TIE1: variants seen among roughly 807,000 people sequenced by gnomAD.
TIE1 encodes tyrosine-protein kinase receptor Tie-1.
A neutral mutation model predicts 130.5 loss-of-function variants in TIE1; 89 were observed. That is an observed-to-expected ratio of 0.68 (90% CI 0.57 to 0.81). TIE1 has a LOEUF of 0.81. TIE1 is among the 40% of genes least tolerant of loss of function. TIE1 has a pLI of 0.00. For missense variants in TIE1, 1,392 were observed against 1,559.8 expected (o/e 0.89, Z 1.81); for synonymous variants, 568 against 629.4 (o/e 0.90, Z 1.46).
intron 22 of TIE1, 68 bp downstream of exon 22, chr1:43,321,783 G>A: frequency 6.9e-7 from 1 of 1,448,448 alleles, no homozygotes; most frequent in Non-Finnish European, 9.4e-7. Context: ...TCTCAGAGGT[G>A]CCATGACCCC....
In TIE1 at chr1:43,317,985, T is replaced by C; in HGVS notation, c.2835T>C (p.His945=). The change falls in exon 17 of 23, where the codon CAT becomes CAC. Residue 945 remains histidine (H), a synonymous_variant. Coordinates refer to ENST00000372476, the MANE Select transcript of TIE1 (RefSeq NM_005424.5). The surrounding 1 kb of genome is among the most constrained non-coding windows in gnomAD (Gnocchi z 5.1). ...CTGACCCAGCTTTTGCTCGAGAGCA[T>C]GGGACAGCCTCTACCCTTAGCTCCC... is the stretch of plus-strand genomic sequence containing the variant. ...LETDPAFARE[H]GTASTLSSRQ... 1 of 1,611,130 alleles carries C rather than the reference T, an allele frequency of 6.2e-7. No homozygotes were observed. The highest frequency in any genetic ancestry group is 1.1e-5 in the South Asian group (1 of 90,658).
chr1:43,317,938 C>T lies in TIE1; in HGVS notation c.2788C>T (p.Arg930Trp), dbSNP rs755450679. Residue 930 changes from arginine to tryptophan, a missense_variant, in exon 17 of 23, where the codon CGG becomes TGG. Arg to Trp is a moderately radical substitution (Grantham distance 101). Coordinates refer to ENST00000372476, the MANE Select transcript of TIE1 (RefSeq NM_005424.5). The surrounding 1 kb of genome is among the most constrained non-coding windows in gnomAD (Gnocchi z 5.1). ...APYGNLLDFL[R>W]KSRVLETDPA... Reference sequence around the variant, plus strand: ...CTACGGGAACCTGCTAGATTTTCTGCGGAAAAGCCGGGTCCTAGAGACTGA... The same window carrying T: ...CTACGGGAACCTGCTAGATTTTCTGTGGAAAAGCCGGGTCCTAGAGACTGA... 5.6e-6 allele frequency: 9 copies of T among 1,614,106 alleles called. No homozygotes were observed. The highest frequency in any genetic ancestry group is 1.1e-5 in the South Asian group (1 of 91,072).
chr1:43,313,503 C>T lies in TIE1; in HGVS notation c.2218+78C>T, dbSNP rs756914429. On this transcript the variant is annotated intron_variant, in intron 13 of 22. Coordinates refer to ENST00000372476, the MANE Select transcript of TIE1 (RefSeq NM_005424.5). This position sits in a 1 kb window ranked among gnomAD's most constrained non-coding sequence, Gnocchi z 6.2. ...GCACGCTCTCCTTCCACATCACCCC[C>T]TACTGTGGAGCTAGGGCATCCCAGG... 3 of 1,536,672 alleles carry T rather than the reference C, an allele frequency of 2.0e-6. No individual in the cohort carries two copies. The South Asian group carries it at 3.6e-5, about 18-fold the overall frequency.
Position 43,314,636 on chromosome 1 carries a change from T to C in TIE1, c.2409+668T>C, listed in dbSNP as rs994875956. On this transcript the variant is annotated intron_variant, in intron 14 of 22. Coordinates refer to ENST00000372476, the MANE Select transcript of TIE1 (RefSeq NM_005424.5). ...TGAGGTCAGGAGTTTGAGACCAGCC[T>C]GGCCAACATGGTGAAACCTTGTCTC... The C allele has an allele frequency of 6.5e-6, 5 of 763,474 alleles. No homozygotes were observed. The African/African-American group carries it at 9.5e-5, about 14-fold the overall frequency. 47.3% of individuals were successfully genotyped at this position (763,474 alleles called of 1,614,324 possible).
intron 14 of TIE1, chr1:43,314,451 G>T: frequency 1.9e-6 from 2 of 1,035,800 alleles, no homozygotes; most frequent in Non-Finnish European, 2.3e-6. Flanking sequence ...GCCCTGCTGT[G>T]GCCACCTGCC....
rs1570428773 is a variant in TIE1 at position 43,304,738 on chromosome 1, G to A, written c.59-113G>A. 3 of 1,148,654 alleles carry A rather than the reference G, an allele frequency of 2.6e-6. No homozygotes were observed. The East Asian group carries it at 9.3e-5, about 36-fold the overall frequency. 71.2% of individuals were successfully genotyped at this position (1,148,654 alleles called of 1,614,324 possible). ...GGAAGGAAGAGGGGTGAAGGTTGGA[G>A]ACCCTCTTCTGAGTGGACGGTGGAT... On this transcript the variant is annotated intron_variant, in intron 1 of 22. Transcript: ENST00000372476.
At chr1:43,303,227 G>C (rs1164043092) in intron 1 of TIE1, among the ~76,000 whole-genome samples, 1 of 152,146 alleles carries the variant, frequency 6.6e-6, no homozygotes, top group South Asian at 2.1e-4. Context: ...GGGAGCACTG[G>C]AGAGGAGCAG....
rs753458193 is a variant in TIE1, at chr1:43,313,501, C to T, written c.2218+76C>T. ...CAGCACGCTCTCCTTCCACATCACCCCCTACTGTGGAGCTAGGGCATCCCA... is the reference window on the plus strand; with the variant it reads ...CAGCACGCTCTCCTTCCACATCACCTCCTACTGTGGAGCTAGGGCATCCCA... On this transcript the variant is annotated intron_variant, in intron 13 of 22. Coordinates refer to ENST00000372476, the MANE Select transcript of TIE1 (RefSeq NM_005424.5). This position sits in a 1 kb window ranked among gnomAD's most constrained non-coding sequence, Gnocchi z 6.2. 14 of 1,544,084 alleles carry T rather than the reference C, an allele frequency of 9.1e-6. No homozygotes were observed. Among genetic ancestry groups the T allele is most frequent in the African/African-American group, 2.7e-5 (2 of 73,608 alleles).
rs565960301 is a variant in TIE1 at position 43,316,170 on chromosome 1, G to A, written c.2410-1029G>A. On this transcript the variant is annotated intron_variant, in intron 14 of 22. Transcript: ENST00000372476. The surrounding 1 kb of genome is among the most constrained non-coding windows in gnomAD (Gnocchi z 4.4). ...GAGTGCACACGTGCATCCCCTGTGAGTGCCACATGTTTAAATGCGTGTGTC... is the reference window on the plus strand; with the variant it reads ...GAGTGCACACGTGCATCCCCTGTGAATGCCACATGTTTAAATGCGTGTGTC... Among the ~76,000 whole-genome samples, 2 of 152,356 alleles carry A rather than the reference G, an allele frequency of 1.3e-5. No individual in the cohort carries two copies. Among genetic ancestry groups the A allele is most frequent in the South Asian group, 4.1e-4 (2 of 4,828 alleles).
chr1:43,317,761 TGCTGGTG>T lies in TIE1; in HGVS notation c.2731+88_2731+94del. On this transcript the variant is annotated intron_variant, in intron 16 of 22. Coordinates refer to ENST00000372476, the MANE Select transcript of TIE1 (RefSeq NM_005424.5). The surrounding 1 kb of genome is among the most constrained non-coding windows in gnomAD (Gnocchi z 5.1). Reference sequence around the variant, plus strand: ...ACCACATGAGTAGCTTGCCAGGGGCTGCTGGTGACCTGTGCACCACCCTTGATCCTCC... The same window carrying T: ...ACCACATGAGTAGCTTGCCAGGGGCTACCTGTGCACCACCCTTGATCCTCC... 16 of 1,461,922 alleles carry T rather than the reference TGCTGGTG, an allele frequency of 1.1e-5. No homozygotes were observed. The highest frequency in any genetic ancestry group is 2.0e-4 in the Middle Eastern group (1 of 5,074). 90.6% of individuals were successfully genotyped at this position (1,461,922 alleles called of 1,614,324 possible).
In TIE1 at chr1:43,319,579, C is replaced by G. The variant is rs371403314; in HGVS notation, c.3107+50C>G. The G allele has an allele frequency of 6.4e-7, 1 of 1,557,678 alleles. No individual in the cohort carries two copies. Among genetic ancestry groups the G allele is most frequent in the South Asian group, 1.1e-5 (1 of 89,964 alleles). On this transcript the variant is annotated intron_variant, in intron 19 of 22. Coordinates refer to ENST00000372476, the MANE Select transcript of TIE1 (RefSeq NM_005424.5). This position sits in a 1 kb window ranked among gnomAD's most constrained non-coding sequence, Gnocchi z 4.7. Reference sequence around the variant, plus strand: ...GGAGGGCTTGGCCCCCAAGAATCACCCAGGCCTGACCTAGACATATCTCAG... The same window carrying G: ...GGAGGGCTTGGCCCCCAAGAATCACGCAGGCCTGACCTAGACATATCTCAG...
Position 43,307,647 on chromosome 1 carries a change from C to T in TIE1, c.913+75C>T. 4 of 1,608,570 alleles carry T rather than the reference C, an allele frequency of 2.5e-6. No individual in the cohort carries two copies. Among genetic ancestry groups the T allele is most frequent in the Non-Finnish European group, 3.4e-6 (4 of 1,176,136 alleles). On this transcript the variant is annotated intron_variant, in intron 6 of 22. Coordinates refer to ENST00000372476, the MANE Select transcript of TIE1 (RefSeq NM_005424.5). This position sits in a 1 kb window ranked among gnomAD's most constrained non-coding sequence, Gnocchi z 5.4. ...GCTTGACCCGGACCCTCCACTCTGC[C>T]TCTGACTTACGCAGCAAGCCCTCCT...
rs199590629 is a variant in TIE1 at position 43,309,131 on chromosome 1, G to A, written c.1188G>A (p.Leu396=). The change falls in exon 8 of 23, where the codon CTG becomes CTA. Residue 396 remains leucine, a splice_region_variant and synonymous_variant. Transcript: ENST00000372476. This position sits in a 1 kb window ranked among gnomAD's most constrained non-coding sequence, Gnocchi z 6.3. Reference sequence around the variant, plus strand: ...GCAAGCCAGACGGCACTGTGCTCCTGGTCAGCCCCCAATCACCCCAACCCA... The same window carrying A: ...GCAAGCCAGACGGCACTGTGCTCCTAGTCAGCCCCCAATCACCCCAACCCA... ...ELRKPDGTVL[L]STKAIVEPEK... 17 of 1,587,684 alleles carry A rather than the reference G, an allele frequency of 1.1e-5. No individual in the cohort carries two copies. The highest frequency in any genetic ancestry group is 2.2e-5 in the East Asian group (1 of 44,466).
chr1:43,321,199 G>T, intron 19 of TIE1, 70 bp from the exon 20 acceptor site: 2 of 1,542,362 alleles, frequency 1.3e-6, no homozygotes, highest in Non-Finnish European at 1.8e-6. Context: ...TGCACATCTT[G>T]GGCAGGTAGA....
Position 43,305,123 on chromosome 1 carries a change from G to T in TIE1, c.331G>T (p.Ala111Ser), listed in dbSNP as rs2153910301. ...CTTCTCCTGCGTGGGCGGTGCTGGG[G>T]CGCGGCGCACGCGCGTCATCTACGT... ...GVFSCVGGAG[A>S]RRTRVIYVHN... Residue 111 changes from alanine (A) to serine (S), a missense_variant, in exon 2 of 23, where the codon GCG (alanine) becomes TCG (serine). Physicochemically the swap from Ala to Ser is moderately conservative, Grantham distance 99. Coordinates refer to ENST00000372476, the MANE Select transcript of TIE1 (RefSeq NM_005424.5). The T allele has an allele frequency of 6.2e-7, 1 of 1,613,710 alleles. No individual in the cohort carries two copies. The highest frequency in any genetic ancestry group is 2.2e-5 in the East Asian group (1 of 44,872).
rs762446333 is a variant in TIE1, at chr1:43,317,165, T to G, written c.2410-34T>G. 1 of 1,610,420 alleles carries G rather than the reference T, an allele frequency of 6.2e-7. No individual in the cohort carries two copies. Among genetic ancestry groups the G allele is most frequent in the Admixed American group, 1.7e-5 (1 of 60,026 alleles). ...CCTTCCGCCCCCTTTGACTCTTGCG[T>G]GGACCGTCTGCCCTCTTGTCTCATC... is the stretch of plus-strand genomic sequence containing the variant. On this transcript the variant is annotated intron_variant, in intron 14 of 22. Coordinates refer to ENST00000372476, the MANE Select transcript of TIE1 (RefSeq NM_005424.5). The surrounding 1 kb of genome is among the most constrained non-coding windows in gnomAD (Gnocchi z 5.1).
rs1184893141 is a variant in TIE1, at chr1:43,315,724, G to A, written c.2410-1475G>A. 4.6e-5 allele frequency among the ~76,000 whole-genome samples: 7 copies of A among 152,152 alleles called. No homozygotes were observed. On this transcript the variant is annotated intron_variant, in intron 14 of 22. Transcript: ENST00000372476. This position sits in a 1 kb window ranked among gnomAD's most constrained non-coding sequence, Gnocchi z 4.4. ...TCCAAGCTGTGTTGGCTCTTCCTCT[G>A]AGGTCAGTGCACACAGAAAGCCCTC...
At position 43,301,109 on chromosome 1, in the gene TIE1, T is replaced by G; in HGVS notation, c.38T>G (p.Leu13Arg). The G allele has an allele frequency of 6.2e-7, 1 of 1,613,770 alleles. No individual in the cohort carries two copies. Residue 13 changes from leucine to arginine, a missense_variant, in exon 1 of 23, where the codon CTC (leucine) becomes CGC (arginine). This residue lies in a region of TIE1 where 415 missense variants were observed against 424.8 expected (regional missense o/e 0.98). Coordinates refer to ENST00000372476, the MANE Select transcript of TIE1 (RefSeq NM_005424.5). ...WRVPPFLLPILFLASHVGAAV... is the reference protein window; with the variant it reads ...WRVPPFLLPIRFLASHVGAAV... ...GTGCCCCCTTTCTTGCTCCCCATCCTCTTCTTGGCTTCTCATGTGGGTAAG... is the reference window on the plus strand; with the variant it reads ...GTGCCCCCTTTCTTGCTCCCCATCCGCTTCTTGGCTTCTCATGTGGGTAAG...
intron 14 of TIE1, chr1:43,314,202 C>A: frequency 1.4e-6 from 1 of 699,662 alleles, no homozygotes; most frequent in Non-Finnish European, 2.3e-6. Flanking sequence ...ATTTAATATT[C>A]CCATTTCAAA....
Sources: allele counts gnomAD v4.1 joint callset (sites outside exome capture counted in the v4.1 genomes callset), GRCh38; gene constraint gnomAD v4.1.1; regional missense constraint gnomAD v4.1.1; non-coding constraint Gnocchi (gnomAD v3.1); transcripts MANE v1.5; gene names NCBI Gene and HGNC (gene_info 2026-07-23, HGNC 2026-07-21).